Variants in CFHR5 observed in about 807,000 individuals in gnomAD.
The protein encoded by CFHR5 is complement factor H related 5.
In CFHR5, 73 loss-of-function variants were observed where a neutral mutation model predicts 62.9. The ratio of observed to expected loss-of-function variants is 1.16; its 90% CI spans 0.96 to 1.41. CFHR5 has a LOEUF of 1.41. Among genes scored for constraint, CFHR5 ranks in the 40% most tolerant of loss-of-function variants. The probability of loss-of-function intolerance (pLI) is 0.00; values close to 1 mark genes in which losing one functional copy is unlikely to be tolerated. For synonymous variants in CFHR5, 249 were observed against 227.2 expected (o/e 1.10, Z -0.86); for missense variants, 779 against 679.9 (o/e 1.15, Z -1.62).
At chr1:196,977,011 G>T (rs903726922), upstream of CFHR5, among the ~76,000 whole-genome samples, 9 of 151,714 alleles carry the variant, frequency 5.9e-5, no homozygotes, top group East Asian at 1.7e-3. Flanking sequence ...GTTTCACCGT[G>T]TTAGCCAGGA....
Position 196,983,050 on chromosome 1 carries a change from A to C in CFHR5, c.224A>C (p.Glu75Ala), listed in dbSNP as rs1279703232. 1 of 1,614,056 alleles carries C rather than the reference A, an allele frequency of 6.2e-7. No homozygotes were observed. Among genetic ancestry groups the C allele is most frequent in the South Asian group, 1.1e-5 (1 of 91,036 alleles). ...SFWTRITCTE[E>A]GWSPTPKCLR... ...TGGACTCGCATAACATGCACAGAAG[A>C]AGGATGGTCACCAACACCGAAGTGT... The change falls in exon 2 of 10, where the codon GAA (glutamate) becomes GCA (alanine). Residue 75 changes from glutamate (E) to alanine (A), a missense_variant. Transcript: ENST00000256785.
In CFHR5 at chr1:197,008,839, T is replaced by C; in HGVS notation, c.*156T>C. ...CTGGATTTTTAGAGCTTTAGAAATT[T>C]GTAAGCTGAGAGAACAATGTTTCAC... On this transcript the variant is annotated 3_prime_UTR_variant, in exon 10 of 10. Coordinates refer to ENST00000256785, the MANE Select transcript of CFHR5 (RefSeq NM_030787.4). 1 of 668,936 alleles carries C rather than the reference T, an allele frequency of 1.5e-6. No homozygotes were observed. The highest frequency in any genetic ancestry group is 2.6e-6 in the Non-Finnish European group (1 of 379,412). The allele number at this position is 668,936 out of a possible 1,614,324, so 41.4% of individuals were successfully genotyped here.
chr1:197,009,651 A>G lies in CFHR5; in HGVS notation c.*968A>G, dbSNP rs1323649338. The G allele has an allele frequency of 6.6e-6, 1 of 152,042 alleles. No individual in the cohort carries two copies. Among genetic ancestry groups the G allele is most frequent in the Admixed American group, 6.5e-5 (1 of 15,270 alleles). 9.4% of individuals were successfully genotyped at this position (152,042 alleles called of 1,614,324 possible). A position where few individuals can be genotyped will look rare whatever the true frequency, so the allele number is the denominator to read the frequency against. On this transcript the variant is annotated 3_prime_UTR_variant, in exon 10 of 10. Coordinates refer to ENST00000256785, the MANE Select transcript of CFHR5 (RefSeq NM_030787.4). Reference sequence around the variant, plus strand: ...TCCAATACTAAATACCCCTTAAAGTATTAAATGCACTATCTGCTGTAAAAG... The same window carrying G: ...TCCAATACTAAATACCCCTTAAAGTGTTAAATGCACTATCTGCTGTAAAAG...
rs1654340053 is a variant in CFHR5 at position 197,008,108 on chromosome 1, T to A, written c.1514-379T>A. ...CTACAGAAATCAAGGTTTCACAAAG[T>A]TAAGATTCACAAATAATTACATTAT... On this transcript the variant is annotated intron_variant, in intron 9 of 9. Transcript: ENST00000256785. Among the ~76,000 whole-genome samples the A allele has an allele frequency of 1.3e-5, 2 of 150,474 alleles. 1 individual carries two copies. Among genetic ancestry groups the A allele is most frequent in the South Asian group, 4.2e-4 (2 of 4,802 alleles).
At chr1:196,986,331 G>C in intron 3 of CFHR5, among the ~76,000 whole-genome samples, 1 of 151,810 alleles carries the variant, frequency 6.6e-6, no homozygotes, top group South Asian at 2.1e-4. Context: ...GAATAAAGCA[G>C]CTGGAAAACC....
At chr1:196,978,322 T>G (rs1354928100) in intron 1 of CFHR5, among the ~76,000 whole-genome samples, 2 of 152,102 alleles carry the variant, frequency 1.3e-5, no homozygotes, top group Non-Finnish European at 2.9e-5. Flanking sequence ...ACTTCTTTAT[T>G]AATACTATAA....
chr1:196,991,192 G>A (rs1021317031), intron 3 of CFHR5, among the ~76,000 whole-genome samples: 12 of 152,032 alleles, frequency 7.9e-5, no homozygotes, highest in East Asian at 3.9e-4. Flanking sequence ...CGTAGTTCTC[G>A]TGCCATGGTT....
chr1:197,008,401 AT>A, intron 9 of CFHR5, 85 bp from the exon 10 acceptor site: 1 of 715,302 alleles, frequency 1.4e-6, no homozygotes, highest in Non-Finnish European at 2.1e-6. Context: ...TAATTCCAAA[AT>A]ATTCTTAAAT....
upstream of CFHR5, among the ~76,000 whole-genome samples, chr1:196,975,107 T>G (rs115429171): frequency 8.5e-3 from 1,298 of 152,256 alleles, 23 homozygotes; most frequent in African/African-American, 0.03. Context: ...ATAGACCATG[T>G]GAAGCAGGTA....
chr1:196,975,936 G>T (rs1653387095), upstream of CFHR5, among the ~76,000 whole-genome samples: 1 of 152,072 alleles, frequency 6.6e-6, no homozygotes, highest in African/African-American at 2.4e-5. Context: ...GATGAGCCAT[G>T]GAATCTAATT....
At chr1:196,985,345 G>A (rs1011040909) in intron 3 of CFHR5, among the ~76,000 whole-genome samples, 2 of 152,034 alleles carry the variant, frequency 1.3e-5, no homozygotes, top group African/African-American at 2.4e-5. Flanking sequence ...TTCCCCACTA[G>A]AAAAACAAAA....
chr1:196,995,725 C>G lies in CFHR5; in HGVS notation c.616C>G (p.Arg206Gly). The G allele has an allele frequency of 6.2e-7, 1 of 1,612,014 alleles. No individual in the cohort carries two copies. Among genetic ancestry groups the G allele is most frequent in the Non-Finnish European group, 8.5e-7 (1 of 1,178,310 alleles). ...TGGTTTCTTTATAATAGGACAAGTA[C>G]GATCATGTGGTCCACCTCCTCAACT... ...PNFPTCKGQV[R>G]SCGPPPQLSN... Residue 206 changes from arginine (R) to glycine (G), a missense_variant, in exon 5 of 10, where the codon CGA becomes GGA. Arg to Gly is a moderately radical substitution (Grantham distance 125). Transcript: ENST00000256785.
At chr1:196,982,104 C>G (rs948756368) in intron 1 of CFHR5, among the ~76,000 whole-genome samples, 1 of 151,820 alleles carries the variant, frequency 6.6e-6, no homozygotes. Context: ...AAATTACCTA[C>G]CCAACATTTT....
In CFHR5 at chr1:197,008,769, C is replaced by A. The variant is rs948882659; in HGVS notation, c.*86C>A. 16 of 1,081,952 alleles carry A rather than the reference C, an allele frequency of 1.5e-5. No homozygotes were observed. The highest frequency in any genetic ancestry group is 9.0e-5 in the Admixed American group (5 of 55,794). 67.0% of individuals were successfully genotyped at this position (1,081,952 alleles called of 1,614,324 possible). On this transcript the variant is annotated 3_prime_UTR_variant, in exon 10 of 10. Coordinates refer to ENST00000256785, the MANE Select transcript of CFHR5 (RefSeq NM_030787.4). Reference sequence around the variant, plus strand: ...TATGTAGCCAATTCTGTAGTTACTTCTTTTATTCTTTCAGGTGTTGTTTAA... The same window carrying A: ...TATGTAGCCAATTCTGTAGTTACTTATTTTATTCTTTCAGGTGTTGTTTAA...
chr1:197,007,910 G>C (rs28617548), intron 9 of CFHR5, among the ~76,000 whole-genome samples: 1 of 145,366 alleles, frequency 6.9e-6, no homozygotes, highest in African/African-American at 2.5e-5. Context: ...TACAATTAAC[G>C]TACATATATT....
At chr1:196,980,441 G>A (rs1459933564) in intron 1 of CFHR5, among the ~76,000 whole-genome samples, 1 of 152,106 alleles carries the variant, frequency 6.6e-6, no homozygotes, top group African/African-American at 2.4e-5. Context: ...AAACATGTGA[G>A]TAATACATTG....
intron 9 of CFHR5, among the ~76,000 whole-genome samples, chr1:197,007,586 T>C (rs1654320851): frequency 1.3e-5 from 2 of 150,672 alleles, no homozygotes; most frequent in African/African-American, 4.9e-5. Flanking sequence ...TAATTACATA[T>C]ACATGTGTGT....
At chr1:196,977,550 C>G, upstream of CFHR5, 1 of 873,782 alleles carries the variant, frequency 1.1e-6, no homozygotes, top group Non-Finnish European at 2.0e-6. Context: ...AAACTAGCTT[C>G]CCCTTAGTAC....
At chr1:197,000,516 TA>T (rs1654125211) in intron 7 of CFHR5, among the ~76,000 whole-genome samples, 2 of 152,138 alleles carry the variant, frequency 1.3e-5, no homozygotes, top group African/African-American at 4.8e-5. Flanking sequence ...ACCTAAAATA[TA>T]AAAACAATAG....
Sources: allele counts gnomAD v4.1 joint callset (sites outside exome capture counted in the v4.1 genomes callset), GRCh38; gene constraint gnomAD v4.1.1; transcripts MANE v1.5; gene names NCBI Gene and HGNC (gene_info 2026-07-23, HGNC 2026-07-21).